DNAH12: variants seen among roughly 807,000 people sequenced by gnomAD.
The protein encoded by DNAH12 is axonemal beta dynein heavy chain 12.
In DNAH12, 285 loss-of-function variants were observed where a neutral mutation model predicts 371.5. The ratio of observed to expected loss-of-function variants is 0.77; its 90% CI spans 0.70 to 0.85. DNAH12 has a LOEUF of 0.85. DNAH12 is among the 40% of genes least tolerant of loss of function. DNAH12 has a pLI of 0.00. For missense variants in DNAH12, 3,611 were observed against 3,689.4 expected, an observed-to-expected ratio of 0.98 and a Z score of 0.55; for synonymous variants, 1,200 against 1,213.0, an observed-to-expected ratio of 0.99 and a Z score of 0.22.
intron 64 of DNAH12, 115 bp from the exon 65 acceptor site, chr3:57,322,598 A>G: frequency 8.1e-7 from 1 of 1,239,110 alleles, no homozygotes; most frequent in Non-Finnish European, 1.1e-6. Context: ...ATATTCAAAA[A>G]ACCTCTTAAG....
intron 55 of DNAH12, among the ~76,000 whole-genome samples, chr3:57,373,354 C>T (rs1489379402): frequency 1.3e-5 from 2 of 148,420 alleles, no homozygotes; most frequent in South Asian, 2.1e-4. Flanking sequence ...CTCACTTTGT[C>T]ACCCCAGCTG....
intron 2 of DNAH12, among the ~76,000 whole-genome samples, chr3:57,540,170 C>A (rs1220545616): frequency 6.6e-6 from 1 of 152,052 alleles, no homozygotes; most frequent in Non-Finnish European, 1.5e-5. Flanking sequence ...CATGTCTCAG[C>A]CTCTCCAGTA....
intron 62 of DNAH12, among the ~76,000 whole-genome samples, chr3:57,331,986 C>T (rs1312664951): frequency 6.6e-6 from 1 of 152,116 alleles, no homozygotes; most frequent in Non-Finnish European, 1.5e-5. Context: ...TTCCCCCTAC[C>T]CTTGGTGTCT....
chr3:57,466,578 T>G (rs1298966940), intron 17 of DNAH12, among the ~76,000 whole-genome samples: 1 of 152,176 alleles, frequency 6.6e-6, no homozygotes, highest in African/African-American at 2.4e-5. Flanking sequence ...TCTCTCTTTA[T>G]AAATGAGAGG....
chr3:57,309,028 C>T (rs568918836), intron 69 of DNAH12, 123 bp downstream of exon 69: 20 of 624,250 alleles, frequency 3.2e-5, no homozygotes, highest in South Asian at 9.7e-5. Flanking sequence ...AGAAACATCG[C>T]CCATTCTCTC....
intron 60 of DNAH12, among the ~76,000 whole-genome samples, chr3:57,335,226 G>C (rs2062195494): frequency 6.6e-6 from 1 of 152,178 alleles, no homozygotes; most frequent in Admixed American, 6.6e-5. Context: ...GGTGTGATCA[G>C]AATCAGAGCT....
chr3:57,380,745 G>T (rs1381045499), intron 50 of DNAH12, among the ~76,000 whole-genome samples: 1 of 152,160 alleles, frequency 6.6e-6, no homozygotes, highest in Non-Finnish European at 1.5e-5. Context: ...GATTACAGGC[G>T]TGAGCCACCA....
chr3:57,488,605 C>T (rs917752229), intron 12 of DNAH12, among the ~76,000 whole-genome samples: 2 of 152,098 alleles, frequency 1.3e-5, no homozygotes, highest in South Asian at 2.1e-4. Context: ...AAATTCATGT[C>T]TTTCTGATTC....
chr3:57,499,014 A>AACAAACACAC (rs57477935), intron 11 of DNAH12, among the ~76,000 whole-genome samples: 1 of 151,638 alleles, frequency 6.6e-6, no homozygotes, highest in South Asian at 2.1e-4. Flanking sequence ...CAAAAACAAA[A>AACAAACACAC]ACACACACAC....
intron 73 of DNAH12, among the ~76,000 whole-genome samples, chr3:57,294,193 T>G (rs778133): frequency 0.35 from 49,936 of 142,252 alleles, 9,928 homozygotes; most frequent in East Asian, 0.89. Flanking sequence ...TTTTTTTTTT[T>G]GGAGACTGAG....
intron 55 of DNAH12, among the ~76,000 whole-genome samples, chr3:57,371,941 CAAAA>C (rs1169602185): frequency 0.35 from 9,040 of 26,130 alleles, 695 homozygotes; most frequent in East Asian, 0.55. Flanking sequence ...CTAAACTCAG[CAAAA>C]AAAAAAAAAA....
intron 2 of DNAH12, among the ~76,000 whole-genome samples, chr3:57,532,815 A>T (rs375735343): frequency 6.9e-4 from 105 of 152,180 alleles, no homozygotes; most frequent in African/African-American, 2.4e-3. Context: ...CTTGCCCAAG[A>T]CCCACTGTAT....
intron 60 of DNAH12, among the ~76,000 whole-genome samples, chr3:57,339,012 C>T (rs1443664760): frequency 1.3e-5 from 2 of 152,150 alleles, no homozygotes; most frequent in African/African-American, 4.8e-5. Context: ...ACATAGGAGA[C>T]TCCATTTTGT....
At chr3:57,309,982 A>G (rs967681089) in intron 67 of DNAH12, 128 bp from the exon 68 acceptor site, 2 of 713,044 alleles carry the variant, frequency 2.8e-6, no homozygotes, top group Non-Finnish European at 4.2e-6. Context: ...ATTAATAATT[A>G]ACAGATACAG....
At chr3:57,506,528 G>A (rs1332029992) in intron 8 of DNAH12, among the ~76,000 whole-genome samples, 1 of 151,978 alleles carries the variant, frequency 6.6e-6, no homozygotes, top group Non-Finnish European at 1.5e-5. Context: ...CACAACCTCC[G>A]CCTCTCGGTC....
chr3:57,408,242 T>A, intron 40 of DNAH12, 38 bp downstream of exon 40: 1 of 1,472,366 alleles, frequency 6.8e-7, no homozygotes, highest in Non-Finnish European at 9.0e-7. Flanking sequence ...GAGGGAAATA[T>A]GTAATACTAA....
At chr3:57,357,432 T>TA (rs1322238741) in intron 58 of DNAH12, 84 bp from the exon 59 acceptor site, 2 of 152,112 alleles carry the variant, frequency 1.3e-5, no homozygotes, top group African/African-American at 4.8e-5. Flanking sequence ...ATATATATTT[T>TA]AAAAAAATCT....
At chr3:57,388,294 C>T (rs2153346004) in intron 45 of DNAH12, among the ~76,000 whole-genome samples, 1 of 152,344 alleles carries the variant, frequency 6.6e-6, no homozygotes. Context: ...CCCCATTACT[C>T]TGTCTTTTAT....
At chr3:57,393,044 T>C (rs2063658329) in intron 44 of DNAH12, among the ~76,000 whole-genome samples, 1 of 152,196 alleles carries the variant, frequency 6.6e-6, no homozygotes, top group Non-Finnish European at 1.5e-5. Flanking sequence ...CTCCATACCA[T>C]GAACTGGTAA....
Sources: gnomAD v4.1 joint callset for allele counts (sites outside exome capture counted in the v4.1 genomes callset) on GRCh38, gnomAD v4.1.1 for gene constraint, MANE v1.5 for transcripts, NCBI Gene and HGNC (gene_info 2026-07-23, HGNC 2026-07-21) for gene names.